Variants in RPS6KA3 observed in about 807,000 individuals in gnomAD.
RPS6KA3 encodes ribosomal protein S6 kinase alpha-3.
A neutral mutation model predicts 67.2 loss-of-function variants in RPS6KA3; 4 were observed. The observed-to-expected ratio is 0.06, with a 90% CI of 0.03 to 0.14. The LOEUF (loss-of-function observed/expected upper bound fraction) is 0.14. Ranked by LOEUF, RPS6KA3 falls within the 10% of genes least tolerant of loss-of-function variation. RPS6KA3 has a pLI of 1.00. For synonymous variants in RPS6KA3, 182 were observed against 183.7 expected (o/e 0.99, Z 0.07); for missense variants, 204 against 559.0 (o/e 0.36, Z 6.40).
chrX:20,176,927 A>G, intron 11 of RPS6KA3, 69 bp downstream of exon 11: 6 of 806,674 alleles, frequency 7.4e-6, no homozygotes, highest in Non-Finnish European at 9.4e-6. Context: ...CACAAAACAA[A>G]TATCTACTCC....
At position 20,251,507 on chromosome X, in the gene RPS6KA3, G is replaced by A. The variant is rs146790800; in HGVS notation, c.69+15057C>T. 6.3e-3 allele frequency among the ~76,000 whole-genome samples: 709 copies of A among 112,936 alleles called. 4 individuals carry two copies. The highest frequency in any genetic ancestry group is 0.021 in the African/African-American group (665 of 31,183). ...GCGTAAGCCACTGTGCCTGGCAGACGTCCATAGATTCTGATGGAAAATCTG... is the reference window on the plus strand; with the variant it reads ...GCGTAAGCCACTGTGCCTGGCAGACATCCATAGATTCTGATGGAAAATCTG... On this transcript the variant is annotated intron_variant, in intron 1 of 21. Transcript: ENST00000379565.
At chrX:20,187,691 G>T in intron 9 of RPS6KA3, 137 bp downstream of exon 9, 1 of 590,220 alleles carries the variant, frequency 1.7e-6, no homozygotes. Flanking sequence ...TATACTGCAT[G>T]CAATAATGTT....
At chrX:20,234,655 G>C in intron 2 of RPS6KA3, 103 bp downstream of exon 2, 3 of 613,350 alleles carry the variant, frequency 4.9e-6, no homozygotes, top group Non-Finnish European at 8.3e-6. Flanking sequence ...GGATCGACAA[G>C]TTTCTAACAC....
At chrX:20,205,147 T>C (rs920694249) in intron 3 of RPS6KA3, among the ~76,000 whole-genome samples, 8 of 112,436 alleles carry the variant, frequency 7.1e-5, no homozygotes, top group African/African-American at 2.6e-4. Context: ...TAACTCATGG[T>C]CATTCTATAA....
chrX:20,257,303 G>A (rs1480277511), intron 1 of RPS6KA3, among the ~76,000 whole-genome samples: 1 of 112,127 alleles, frequency 8.9e-6, no homozygotes, highest in Non-Finnish European at 1.9e-5. Flanking sequence ...GTAAACTAAG[G>A]ACTGTATTTT....
intron 15 of RPS6KA3, 166 bp from the exon 16 acceptor site, chrX:20,169,657 C>A (rs2067524683): frequency 3.8e-6 from 2 of 519,679 alleles, no homozygotes; most frequent in Non-Finnish European, 7.0e-6. Context: ...AATCAGAAAG[C>A]CAGTCTTGAT....
In RPS6KA3 at chrX:20,266,900, G is replaced by C. The variant is rs2147099969; in HGVS notation, c.-268C>G. 3 of 582,042 alleles carry C rather than the reference G, an allele frequency of 5.2e-6. No individual in the cohort carries two copies. The highest frequency in any genetic ancestry group is 6.2e-6 in the Non-Finnish European group (3 of 481,587). The allele number at this position is 582,042 out of a possible 1,213,427, so 48.0% of individuals were successfully genotyped here. A position where few individuals can be genotyped will look rare whatever the true frequency, so the allele number is the denominator to read the frequency against. On this transcript the variant is annotated 5_prime_UTR_variant, in exon 1 of 22. Transcript: ENST00000379565. ...GCGCCTCCGCTGGGCACCGGGTCTC[G>C]CCCCTTTCTTCCTCTCCTCCTTCCG... is the stretch of plus-strand genomic sequence containing the variant.
intron 2 of RPS6KA3, chrX:20,218,698 G>A (rs1743625488): frequency 1.7e-6 from 1 of 580,327 alleles, no homozygotes; most frequent in African/African-American, 2.4e-5. Context: ...ATTTTGAAAA[G>A]CTGCTTTAAA....
intron 4 of RPS6KA3, among the ~76,000 whole-genome samples, chrX:20,198,704 A>G (rs969257111): frequency 1.8e-5 from 2 of 112,271 alleles, no homozygotes; most frequent in African/African-American, 6.5e-5. Context: ...TAAAAACATT[A>G]TCAACCAATT....
chrX:20,176,214 T>C, intron 13 of RPS6KA3, 36 bp downstream of exon 13: 1 of 867,214 alleles, frequency 1.2e-6, no homozygotes, highest in Non-Finnish European at 1.7e-6. Context: ...AACATATTTG[T>C]TGTCTTATAT....
intron 4 of RPS6KA3, among the ~76,000 whole-genome samples, chrX:20,203,175 C>T (rs1446375485): frequency 4.5e-5 from 5 of 111,053 alleles, no homozygotes; most frequent in Non-Finnish European, 7.5e-5. Context: ...ATACACAAAA[C>T]ATCTAGAGGT....
chrX:20,221,788 C>T (rs1410642018), intron 2 of RPS6KA3, among the ~76,000 whole-genome samples: 1 of 112,518 alleles, frequency 8.9e-6, no homozygotes, highest in Non-Finnish European at 1.9e-5. Context: ...GATGGTCTGT[C>T]CCATCCTTTG....
intron 1 of RPS6KA3, among the ~76,000 whole-genome samples, chrX:20,238,628 A>C (rs964816084): frequency 9.0e-6 from 1 of 111,410 alleles, no homozygotes; most frequent in African/African-American, 3.3e-5. Flanking sequence ...TAAGAAAAAA[A>C]TTGAGTGAAA....
chrX:20,174,505 C>T (rs941899654), intron 14 of RPS6KA3, among the ~76,000 whole-genome samples: 5 of 108,646 alleles, frequency 4.6e-5, no homozygotes, highest in African/African-American at 1.3e-4. Flanking sequence ...TGCGCCACCA[C>T]GCCCAGCTAA....
At chrX:20,266,342 C>T (rs1478382588) in intron 1 of RPS6KA3, among the ~76,000 whole-genome samples, 1 of 111,723 alleles carries the variant, frequency 9.0e-6, no homozygotes, top group East Asian at 2.8e-4. Flanking sequence ...CGCCACCACA[C>T]TGGCAGCCCC....
intron 1 of RPS6KA3, 129 bp downstream of exon 1, chrX:20,266,435 A>C (rs1384852852): frequency 3.6e-6 from 2 of 554,554 alleles, no homozygotes; most frequent in East Asian, 8.4e-5. Flanking sequence ...CCCAAACCAA[A>C]ACCCTGAGCC....
intron 7 of RPS6KA3, among the ~76,000 whole-genome samples, chrX:20,192,004 G>T (rs1005045714): frequency 2.7e-5 from 3 of 110,967 alleles, no homozygotes; most frequent in African/African-American, 6.6e-5. Flanking sequence ...GACCTCAAGT[G>T]ATCTGCCTGC....
At chrX:20,205,894 T>A in intron 3 of RPS6KA3, among the ~76,000 whole-genome samples, 1 of 112,666 alleles carries the variant, frequency 8.9e-6, no homozygotes, top group East Asian at 2.8e-4. Context: ...CAAAATACTT[T>A]CACAACCATT....
At chrX:20,191,651 T>C (rs1234578614) in intron 7 of RPS6KA3, among the ~76,000 whole-genome samples, 1 of 112,463 alleles carries the variant, frequency 8.9e-6, no homozygotes, top group Admixed American at 9.4e-5. Flanking sequence ...CATATGTTTG[T>C]TTGCCACATA....
Sources: gnomAD v4.1 joint callset for allele counts (sites outside exome capture counted in the v4.1 genomes callset) on GRCh38, gnomAD v4.1.1 for gene constraint, MANE v1.5 for transcripts, NCBI Gene and HGNC (gene_info 2026-07-23, HGNC 2026-07-21) for gene names.